Variants in SPACA9 observed in about 807,000 individuals in gnomAD.
SPACA9 encodes the protein sperm acrosome associated 9, also known as sperm acrosome-associated protein 9.
SPACA9 carries 14 observed loss-of-function variants against 12.5 expected under a neutral mutation model. That is an observed-to-expected ratio of 1.12 (90% confidence interval 0.74 to 1.75). SPACA9 has a LOEUF of 1.75. Ranked by LOEUF, SPACA9 falls within the 40% of genes most tolerant of loss-of-function variation. The pLI, the probability that SPACA9 is intolerant of heterozygous loss-of-function variation, is 0.00. For synonymous variants in SPACA9, 111 were observed against 114.1 expected (o/e 0.97, Z 0.17); for missense variants, 292 against 291.9 (o/e 1.00, Z 0.00).
rs775554430 is a variant in SPACA9 at position 132,887,513 on chromosome 9, C to G, written c.289C>G (p.Leu97Val). 1.2e-6 allele frequency: 2 copies of G among 1,614,086 alleles called. No individual in the cohort carries two copies. Among genetic ancestry groups the G allele is most frequent in the African/African-American group, 1.3e-5 (1 of 75,018 alleles). The change falls in exon 3 of 4, where the codon CTG (leucine) becomes GTG (valine). Residue 97 changes from leucine to valine, a missense_variant. Physicochemically the swap from Leu to Val is conservative, Grantham distance 32. Transcript: ENST00000356311. The surrounding 1 kb of genome is among the most constrained non-coding windows in gnomAD (Gnocchi z 5.4). ...TGGCACCCCAGTCACCAACAACCTC[C>G]TGGAGAAATGCAAAACCCTCGTTAG... Reference protein sequence around the residue: ...HSGTPVTNNLLEKCKTLVSQS... With the variant: ...HSGTPVTNNLVEKCKTLVSQS...
Position 132,888,251 on chromosome 9 carries a change from C to G in SPACA9, c.348-39C>G. 1.3e-6 allele frequency: 2 copies of G among 1,564,672 alleles called. No individual in the cohort carries two copies. Among genetic ancestry groups the G allele is most frequent in the Non-Finnish European group, 8.7e-7 (1 of 1,153,708 alleles). ...CTGCTTGCCACGGCATGGCAAGTCCCGGGAGCATGGGTTCACCTGGCCCCC... is the reference window on the plus strand; with the variant it reads ...CTGCTTGCCACGGCATGGCAAGTCCGGGGAGCATGGGTTCACCTGGCCCCC... On this transcript the variant is annotated intron_variant, in intron 3 of 3. Coordinates refer to ENST00000356311, the MANE Select transcript of SPACA9 (RefSeq NM_001316897.2). The surrounding 1 kb of genome is among the most constrained non-coding windows in gnomAD (Gnocchi z 5.0).
At chr9:132,886,881 G>A (rs1844580572) in intron 2 of SPACA9, among the ~76,000 whole-genome samples, 1 of 151,800 alleles carries the variant, frequency 6.6e-6, no homozygotes, top group Admixed American at 6.6e-5. Context: ...GCATGATCTC[G>A]GCTCACTGCA....
intron 1 of SPACA9, among the ~76,000 whole-genome samples, chr9:132,880,967 C>T (rs543185966): frequency 1.1e-3 from 173 of 151,936 alleles, no homozygotes; most frequent in African/African-American, 3.9e-3. Flanking sequence ...GGACTACAGG[C>T]GCCCGCCACC....
At position 132,889,088 on chromosome 9, in the gene SPACA9, A is replaced by G. The variant is rs951370412; in HGVS notation, c.*477A>G. On this transcript the variant is annotated 3_prime_UTR_variant, in exon 4 of 4. Coordinates refer to ENST00000356311, the MANE Select transcript of SPACA9 (RefSeq NM_001316897.2). ...CCCGGCCCTCTTGCTTTAACTTCTA[A>G]CATTTCCACTTCTAAGCATCAGGCT... The G allele has an allele frequency of 4.0e-6, 4 of 994,274 alleles. No individual in the cohort carries two copies. The African/African-American group carries it at 7.0e-5, about 17-fold the overall frequency. The allele number at this position is 994,274 out of a possible 1,614,324, so 61.6% of individuals were successfully genotyped here.
At chr9:132,884,931 T>C (rs1844523506) in intron 2 of SPACA9, among the ~76,000 whole-genome samples, 3 of 151,724 alleles carry the variant, frequency 2.0e-5, no homozygotes, top group Admixed American at 2.0e-4. Context: ...CTGACCAACA[T>C]GGTGAAACCC....
At chr9:132,884,889 G>T (rs529413994) in intron 2 of SPACA9, among the ~76,000 whole-genome samples, 22 of 151,482 alleles carry the variant, frequency 1.5e-4, no homozygotes, top group African/African-American at 4.6e-4. Context: ...GCCGAGGCAG[G>T]TGGATCATGA....
chr9:132,889,442 T>C lies in SPACA9; in HGVS notation c.*831T>C, dbSNP rs866598375. 4 of 975,392 alleles carry C rather than the reference T, an allele frequency of 4.1e-6. No homozygotes were observed. The South Asian group carries it at 1.9e-4, about 46-fold the overall frequency. The allele number at this position is 975,392 out of a possible 1,614,324, so 60.4% of individuals were successfully genotyped here. On this transcript the variant is annotated 3_prime_UTR_variant, in exon 4 of 4. Transcript: ENST00000356311. ...TATTTTTTGAGATGGAGTTTCACTC[T>C]GTCTCCCAGGCTGGAGTGCAGTGGC...
chr9:132,887,374 G>C lies in SPACA9; in HGVS notation c.150G>C (p.Gln50His), dbSNP rs929841556. Residue 50 changes from glutamine (Q) to histidine (H), a missense_variant, in exon 3 of 4, where the codon CAG (glutamine) becomes CAC (histidine). Gln to His is a conservative substitution (Grantham distance 24). Coordinates refer to ENST00000356311, the MANE Select transcript of SPACA9 (RefSeq NM_001316897.2). The surrounding 1 kb of genome is among the most constrained non-coding windows in gnomAD (Gnocchi z 5.4). ...IRPISSIGQV[Q>H]SYMEHYCNSS... is the part of the protein sequence containing the mutation. ...TGTGGCGGCGGCCCTTGCAGGTGCA[G>C]AGCTACATGGAACACTACTGCAACA... The C allele has an allele frequency of 6.2e-7, 1 of 1,611,244 alleles. No homozygotes were observed. The highest frequency in any genetic ancestry group is 8.5e-7 in the Non-Finnish European group (1 of 1,179,944).
rs1844661380 is a variant in SPACA9, at chr9:132,889,067, G to A, written c.*456G>A. 5 of 996,070 alleles carry A rather than the reference G, an allele frequency of 5.0e-6. No homozygotes were observed. The highest frequency in any genetic ancestry group is 4.8e-6 in the Non-Finnish European group (4 of 835,666). 61.7% of individuals were successfully genotyped at this position (996,070 alleles called of 1,614,324 possible). On this transcript the variant is annotated 3_prime_UTR_variant, in exon 4 of 4. Transcript: ENST00000356311. ...TTACAGGCGTGAGCCACAGCGCCCG[G>A]CCCTCTTGCTTTAACTTCTAACATT...
chr9:132,888,521 TA>T lies in SPACA9; in HGVS notation c.582del (p.Lys194AsnfsTer44). On this transcript the variant is annotated frameshift_variant, in exon 4 of 4. Coordinates refer to ENST00000356311, the MANE Select transcript of SPACA9 (RefSeq NM_001316897.2). LOFTEE classifies it low-confidence loss of function (END_TRUNC). The surrounding 1 kb of genome is among the most constrained non-coding windows in gnomAD (Gnocchi z 5.0). Reference protein sequence around the residue: ...QAIGTQPRATKHKCRQLTKAS... With the variant: ...QAIGTQPRATXHKCRQLTKAS... ...CCATAGGGACCCAGCCCAGGGCCAC[TA>T]AACACAAGTGTAGACAGCTCACAAA... The T allele has an allele frequency of 1.3e-6, 2 of 1,575,902 alleles. No homozygotes were observed. The highest frequency in any genetic ancestry group is 1.7e-6 in the Non-Finnish European group (2 of 1,161,554).
At chr9:132,880,884 G>A (rs1588260421) in intron 1 of SPACA9, among the ~76,000 whole-genome samples, 2 of 149,118 alleles carry the variant, frequency 1.3e-5, no homozygotes, top group East Asian at 4.0e-4. Flanking sequence ...GTGCAGTGGC[G>A]CCATCTCGGC....
chr9:132,881,285 GA>G (rs1326698941), intron 1 of SPACA9, among the ~76,000 whole-genome samples: 4 of 96,464 alleles, frequency 4.1e-5, no homozygotes, highest in African/African-American at 1.4e-4. Flanking sequence ...AAAAAAAAAA[GA>G]AAAAAAAGAA....
chr9:132,878,373 C>G, upstream of SPACA9: 1 of 1,248,654 alleles, frequency 8.0e-7, no homozygotes. This position sits in a 1 kb window ranked among gnomAD's most constrained non-coding sequence, Gnocchi z 4.7. Context: ...CCCAGATACC[C>G]GATCCTCGGT....
chr9:132,878,835 G>A (rs1400629233), upstream of SPACA9: 4 of 941,586 alleles, frequency 4.2e-6, no homozygotes, highest in East Asian at 4.6e-4. This position sits in a 1 kb window ranked among gnomAD's most constrained non-coding sequence, Gnocchi z 4.7. Flanking sequence ...CGATTGCTAT[G>A]GCACCGGCGG....
intron 2 of SPACA9, among the ~76,000 whole-genome samples, chr9:132,885,633 C>T (rs1844545555): frequency 6.6e-6 from 1 of 152,160 alleles, no homozygotes; most frequent in African/African-American, 2.4e-5. Context: ...ACGCATGCAG[C>T]CCCTGAGCTA....
chr9:132,881,507 T>A, intron 1 of SPACA9, among the ~76,000 whole-genome samples: 1 of 151,510 alleles, frequency 6.6e-6, no homozygotes, highest in Non-Finnish European at 1.5e-5. Flanking sequence ...GGCTCATGCC[T>A]ATCATCCCAG....
rs746675631 is a variant in SPACA9, at chr9:132,884,006, A to G, written c.59A>G (p.Gln20Arg). 1 of 1,614,198 alleles carries G rather than the reference A, an allele frequency of 6.2e-7. No individual in the cohort carries two copies. The highest frequency in any genetic ancestry group is 1.7e-5 in the Admixed American group (1 of 60,030). The change falls in exon 2 of 4, where the codon CAG becomes CGG. Residue 20 changes from glutamine to arginine, a missense_variant. By Grantham distance (43) the Gln-to-Arg change is conservative (BLOSUM62 1). Transcript: ENST00000356311. The part of the protein sequence containing the change: ...SIEQKYKLFQ[Q>R]QQLTFTAALE... ...GAGCAGAAGTACAAGCTCTTCCAGC[A>G]GCAGCAGCTCACCTTCACCGCCGCT...
Position 132,889,730 on chromosome 9 carries a change from G to A in SPACA9, c.*1119G>A, listed in dbSNP as rs1463929886. 2.5e-6 allele frequency: 3 copies of A among 1,215,756 alleles called. No individual in the cohort carries two copies. The African/African-American group carries it at 4.7e-5, about 19-fold the overall frequency. 75.3% of individuals were successfully genotyped at this position (1,215,756 alleles called of 1,614,324 possible). On this transcript the variant is annotated 3_prime_UTR_variant, in exon 4 of 4. Coordinates refer to ENST00000356311, the MANE Select transcript of SPACA9 (RefSeq NM_001316897.2). Reference sequence around the variant, plus strand: ...GCACCTGGCCAGAACTCAGTAGTGTGTTTAGTTCTCTGGACCACAGCCAAA... The same window carrying A: ...GCACCTGGCCAGAACTCAGTAGTGTATTTAGTTCTCTGGACCACAGCCAAA...
At chr9:132,886,014 C>T (rs1053471984) in intron 2 of SPACA9, among the ~76,000 whole-genome samples, 1 of 152,236 alleles carries the variant, frequency 6.6e-6, no homozygotes, top group Non-Finnish European at 1.5e-5. Flanking sequence ...AAGAGCCTCT[C>T]CCCCTTACGA....
Sources: gnomAD v4.1 joint callset for allele counts (sites outside exome capture counted in the v4.1 genomes callset) on GRCh38, gnomAD v4.1.1 for gene constraint, Gnocchi (gnomAD v3.1) non-coding constraint, MANE v1.5 for transcripts, NCBI Gene and HGNC (gene_info 2026-07-23, HGNC 2026-07-21) for gene names.